Variants in APTX observed in about 807,000 individuals in gnomAD.
APTX encodes the protein aprataxin, also known as forkhead-associated domain histidine triad-like protein.
In APTX, 33 loss-of-function variants were observed where a neutral mutation model predicts 42.3. The ratio of observed to expected loss-of-function variants is 0.78; its 90% CI spans 0.59 to 1.04. The LOEUF (loss-of-function observed/expected upper bound fraction) is 1.04, where lower values mean the gene tolerates loss of function less well. Ranked by LOEUF, APTX falls within the 50% of genes least tolerant of loss-of-function variation. The pLI is 0.00. For synonymous variants in APTX, 130 were observed against 146.7 expected, an observed-to-expected ratio of 0.89 and a Z score of 0.82; for missense variants, 421 against 415.1, an observed-to-expected ratio of 1.01 and a Z score of -0.12.
At position 32,973,566 on chromosome 9, in the gene APTX, C is replaced by T. The variant is rs938970569; in HGVS notation, c.961G>A (p.Glu321Lys). ...ELLKLPLRCHECQQLLPSIPQ... is the reference protein window; with the variant it reads ...ELLKLPLRCHKCQQLLPSIPQ... ...ATGGAAGGCAGCAGCTGCTGGCACTCATGACAACGAAGGGGCAGCTTCAAG... is the reference window on the plus strand; with the variant it reads ...ATGGAAGGCAGCAGCTGCTGGCACTTATGACAACGAAGGGGCAGCTTCAAG... Residue 321 changes from glutamate to lysine, a missense_variant, in exon 8 of 8, where the codon GAG becomes AAG. Physicochemically the swap from Glu to Lys is moderately conservative, Grantham distance 56. Coordinates refer to ENST00000379817, the MANE Select transcript of APTX (RefSeq NM_001195248.2). 1.2e-6 allele frequency: 2 copies of T among 1,614,054 alleles called. No homozygotes were observed. Among genetic ancestry groups the T allele is most frequent in the Admixed American group, 3.3e-5 (2 of 60,004 alleles).
chr9:33,000,147 C>A (rs1835919087), intron 1 of APTX, among the ~76,000 whole-genome samples: 1 of 152,110 alleles, frequency 6.6e-6, no homozygotes, highest in African/African-American at 2.4e-5. Context: ...CCTCTCCAAG[C>A]CTTCATTCCC....
At chr9:33,020,249 G>C (rs1346180426) in intron 1 of APTX, 3 of 166,320 alleles carry the variant, frequency 1.8e-5, no homozygotes, top group Non-Finnish European at 2.6e-5. Context: ...TCCTACCCTG[G>C]CTTCTTCCTC....
intron 1 of APTX, among the ~76,000 whole-genome samples, chr9:32,991,581 T>C (rs1290063621): frequency 2.0e-5 from 3 of 152,016 alleles, no homozygotes; most frequent in African/African-American, 7.2e-5. Context: ...CAGGAGTTTG[T>C]GACCAGCCTA....
chr9:32,972,664 G>C lies in APTX; in HGVS notation c.*834C>G, dbSNP rs770908697. The C allele has an allele frequency of 1.4e-4, 59 of 432,732 alleles. No individual in the cohort carries two copies. Among genetic ancestry groups the C allele is most frequent in the Non-Finnish European group, 2.2e-4 (48 of 216,368 alleles). 26.8% of individuals were successfully genotyped at this position (432,732 alleles called of 1,614,324 possible). On this transcript the variant is annotated 3_prime_UTR_variant, in exon 8 of 8. Transcript: ENST00000379817. Reference sequence around the variant, plus strand: ...GGGAAAAAGAAAGTAGTGGCTCTACGCAACTTTTTCATTCACCAACCACCT... The same window carrying C: ...GGGAAAAAGAAAGTAGTGGCTCTACCCAACTTTTTCATTCACCAACCACCT...
chr9:33,018,571 A>AG (rs1838099560), intron 1 of APTX, among the ~76,000 whole-genome samples: 1 of 13,480 alleles, frequency 7.4e-5, no homozygotes. Flanking sequence ...TTCGTCTCAG[A>AG]AAAAAAAAAA....
intron 5 of APTX, among the ~76,000 whole-genome samples, chr9:32,985,428 G>A (rs1178164531): frequency 4.8e-5 from 7 of 147,328 alleles, no homozygotes; most frequent in Admixed American, 2.8e-4. Flanking sequence ...TCCACCTCCC[G>A]GATTCAAGTG....
intron 1 of APTX, among the ~76,000 whole-genome samples, chr9:33,015,560 T>C (rs560834073): frequency 4.8e-4 from 73 of 152,292 alleles, no homozygotes; most frequent in African/African-American, 1.7e-3. Context: ...GGTTTCACCA[T>C]GTTGGCCAGG....
chr9:33,003,890 T>C (rs988671798), upstream of APTX, among the ~76,000 whole-genome samples: 4 of 152,206 alleles, frequency 2.6e-5, no homozygotes, highest in Non-Finnish European at 5.9e-5. Context: ...CCATACTTTA[T>C]CCATTCATCC....
rs185136451 is a variant in APTX at position 33,013,544 on chromosome 9, T to C, written c.-5+11479A>G. Among the ~76,000 whole-genome samples, 591 of 152,336 alleles carry C rather than the reference T, an allele frequency of 3.9e-3. 1 individual carries two copies. The highest frequency in any genetic ancestry group is 4.6e-3 in the Non-Finnish European group (311 of 68,024). On this transcript the variant is annotated intron_variant, in intron 1 of 6. Coordinates refer to the APTX transcript ENST00000436040. ...ATGGAGAGCCAGGCGTGGTGGCTCATGCCTGTAATCCCAGCACTTTGGGAG... is the reference window on the plus strand; with the variant it reads ...ATGGAGAGCCAGGCGTGGTGGCTCACGCCTGTAATCCCAGCACTTTGGGAG...
At chr9:32,996,348 C>T (rs1423016918) in intron 1 of APTX, among the ~76,000 whole-genome samples, 1 of 150,702 alleles carries the variant, frequency 6.6e-6, no homozygotes, top group Non-Finnish European at 1.5e-5. Flanking sequence ...CATCACAGCT[C>T]ACTGCAGCCT....
At chr9:33,018,406 A>G (rs1838078849) in intron 1 of APTX, among the ~76,000 whole-genome samples, 1 of 151,666 alleles carries the variant, frequency 6.6e-6, no homozygotes, top group South Asian at 2.1e-4. Flanking sequence ...CGTCTCTACT[A>G]AAAATACAAA....
intron 1 of APTX, among the ~76,000 whole-genome samples, chr9:32,996,927 C>T (rs1233454748): frequency 1.3e-5 from 2 of 152,224 alleles, no homozygotes; most frequent in East Asian, 1.9e-4. Context: ...GTGCTAGGCA[C>T]TATGCTAAAT....
In APTX at chr9:32,988,685, GGAAAAAA is replaced by G. The variant is rs369684607; in HGVS notation, c.134-563_134-557del. The stretch of plus-strand genomic sequence containing the variant: ...AACAGAGTGAGACCCTATCTCAGGA[GGAAAAAA>G]AAAAAAAAAAAAAAAAAAAAAGATC... On this transcript the variant is annotated intron_variant, in intron 2 of 7. Transcript: ENST00000379817. 8.8e-3 allele frequency among the ~76,000 whole-genome samples: 533 copies of G among 60,454 alleles called. 6 individuals carry two copies. The highest frequency in any genetic ancestry group is 0.032 in the African/African-American group (512 of 16,208). The allele number at this position is 60,454 out of a possible 152,430, so 39.7% of individuals were successfully genotyped here.
intron 1 of APTX, chr9:32,990,160 C>T (rs989426889): frequency 2.4e-6 from 1 of 423,790 alleles, no homozygotes; most frequent in African/African-American, 2.0e-5. Flanking sequence ...ATTTATTACA[C>T]ATTTATTTAT....
At chr9:32,976,248 A>T (rs1829383298) in intron 6 of APTX, among the ~76,000 whole-genome samples, 1 of 151,100 alleles carries the variant, frequency 6.6e-6, no homozygotes, top group Non-Finnish European at 1.5e-5. Flanking sequence ...GGGCTCGGGG[A>T]GGGACAACAT....
At chr9:32,991,932 A>C (rs1833746646) in intron 1 of APTX, among the ~76,000 whole-genome samples, 1 of 152,196 alleles carries the variant, frequency 6.6e-6, no homozygotes. Context: ...TAATTATTTT[A>C]AGTTGCCTGT....
At chr9:32,986,233 G>A in intron 4 of APTX, 1 of 703,754 alleles carries the variant, frequency 1.4e-6, no homozygotes, top group Non-Finnish European at 2.6e-6. Flanking sequence ...TTTTTTTTGA[G>A]ACAAAGTCTC....
chr9:33,015,866 GACA>G (rs1357302619), intron 1 of APTX: 5 of 152,110 alleles, frequency 3.3e-5, no homozygotes, highest in African/African-American at 1.2e-4. Context: ...ATTTTTTTCT[GACA>G]ACAAGATTAT....
chr9:33,007,156 A>G (rs1355829332), intron 1 of APTX, among the ~76,000 whole-genome samples: 2 of 152,168 alleles, frequency 1.3e-5, no homozygotes, highest in African/African-American at 2.4e-5. Flanking sequence ...CTGAGGAAAG[A>G]GCATGTACAA....
Sources: allele counts gnomAD v4.1 joint callset (sites outside exome capture counted in the v4.1 genomes callset), GRCh38; gene constraint gnomAD v4.1.1; transcripts MANE v1.5; gene names NCBI Gene and HGNC (gene_info 2026-07-23, HGNC 2026-07-21).